The following THSD4 variants were observed in gnomAD, a reference collection of about 807,000 sequenced individuals.
The protein encoded by THSD4 is thrombospondin type 1 domain containing 4.
In THSD4, 69 loss-of-function variants were observed where a neutral mutation model predicts 119.0. That is an observed-to-expected ratio of 0.58 (90% CI 0.48 to 0.71). The LOEUF is 0.71. THSD4 is among the 30% of genes least tolerant of loss of function. THSD4 has a pLI of 0.00. For missense variants in THSD4, 1,393 were observed against 1,391.1 expected (o/e 1.00, Z -0.02); for synonymous variants, 524 against 540.4 (o/e 0.97, Z 0.42).
chr15:71,332,891 C>CCTTTTTTTTTTTTTTTTTTTTTTTT (rs1184457820), intron 6 of THSD4, among the ~76,000 whole-genome samples: 1 of 38,036 alleles, frequency 2.6e-5, no homozygotes, highest in Non-Finnish European at 5.7e-5. Flanking sequence ...GATTTTTTTA[C>CCTTTTTTTTTTTTTTTTTTTTTTTT]ATTTTTTTTT....
intron 7 of THSD4, among the ~76,000 whole-genome samples, chr15:71,630,916 T>A (rs776878822): frequency 5.3e-5 from 8 of 152,174 alleles, no homozygotes; most frequent in Non-Finnish European, 8.8e-5. Flanking sequence ...TTCTTTGCGG[T>A]GGGGGCTGTC....
intron 7 of THSD4, among the ~76,000 whole-genome samples, chr15:71,434,479 T>G (rs2046984524): frequency 7.0e-6 from 1 of 142,694 alleles, no homozygotes; most frequent in Non-Finnish European, 1.5e-5. Context: ...TGAAGGGGTT[T>G]AAGGATTGAT....
At position 71,299,696 on chromosome 15, in the gene THSD4, C is replaced by G. The variant is rs144511772; in HGVS notation, c.1015+42981C>G. 2.6e-5 allele frequency among the ~76,000 whole-genome samples: 4 copies of G among 152,092 alleles called. No homozygotes were observed. The East Asian group carries it at 7.7e-4, about 29-fold the overall frequency. On this transcript the variant is annotated intron_variant, in intron 6 of 17. Coordinates refer to ENST00000261862, the MANE Select transcript of THSD4 (RefSeq NM_024817.3). ...ACTAAAAGAGTAGACTTCAATTGTC[C>G]TTATCACTAAGAAATGATAAGTATC... is the stretch of plus-strand genomic sequence containing the variant.
intron 6 of THSD4, among the ~76,000 whole-genome samples, chr15:71,337,070 A>C (rs2045497995): frequency 6.6e-6 from 1 of 152,162 alleles, no homozygotes; most frequent in African/African-American, 2.4e-5. Flanking sequence ...AGTGGGAGGC[A>C]AGGAGGAAAG....
In THSD4 at chr15:71,537,192, C is replaced by A. The variant is rs181694195; in HGVS notation, c.1153-123338C>A. On this transcript the variant is annotated intron_variant, in intron 7 of 17. Transcript: ENST00000261862. ...TCTTTCCACCATCCCAGTTTAAGCT[C>A]TTAGCCCTTTTCATCTGGACTACAG... is the stretch of plus-strand genomic sequence containing the variant. 5.3e-4 allele frequency among the ~76,000 whole-genome samples: 80 copies of A among 152,270 alleles called. 1 individual carries two copies. The highest frequency in any genetic ancestry group is 5.2e-3 in the Admixed American group (80 of 15,296).
intron 7 of THSD4, among the ~76,000 whole-genome samples, chr15:71,511,374 G>A (rs2048281192): frequency 6.6e-6 from 1 of 152,134 alleles, no homozygotes; most frequent in Admixed American, 6.5e-5. Flanking sequence ...GCTGAAGTGG[G>A]GAATAAAGGT....
At chr15:71,249,114 T>C (rs1399480036) in intron 5 of THSD4, among the ~76,000 whole-genome samples, 12 of 151,898 alleles carry the variant, frequency 7.9e-5, no homozygotes, top group East Asian at 1.9e-4. Flanking sequence ...CATATATATA[T>C]ACACACACAC....
At chr15:71,476,520 G>A (rs1406394484) in intron 7 of THSD4, among the ~76,000 whole-genome samples, 1 of 152,188 alleles carries the variant, frequency 6.6e-6, no homozygotes, top group Non-Finnish European at 1.5e-5. Flanking sequence ...GGGATTACAG[G>A]TGTGAGCCAC....
At chr15:71,326,884 C>T (rs1468200147) in intron 6 of THSD4, among the ~76,000 whole-genome samples, 3 of 147,112 alleles carry the variant, frequency 2.0e-5, no homozygotes, top group Non-Finnish European at 3.0e-5. Flanking sequence ...AAAAAGCAAA[C>T]AGGCCGAGCA....
intron 7 of THSD4, among the ~76,000 whole-genome samples, chr15:71,467,315 G>T (rs1464837699): frequency 1.3e-5 from 2 of 152,214 alleles, no homozygotes; most frequent in Non-Finnish European, 2.9e-5. Flanking sequence ...GACAAGAGAA[G>T]TGCAAATTTA....
rs565499448 is a variant in THSD4, at chr15:71,447,069, G to A, written c.1152+35246G>A. Among the ~76,000 whole-genome samples the A allele has an allele frequency of 4.7e-5, 7 of 149,252 alleles. No individual in the cohort carries two copies. The South Asian group carries it at 1.5e-3, about 32-fold the overall frequency. On this transcript the variant is annotated intron_variant, in intron 7 of 17. Transcript: ENST00000261862. ...GGAGGAAGGGGGAAGTGCCCAGTGG[G>A]TTTGCAAACAACAGTGTCCTCTGTT... is the stretch of plus-strand genomic sequence containing the variant.
At chr15:71,341,345 G>C in intron 6 of THSD4, 1 of 1,608,682 alleles carries the variant, frequency 6.2e-7, no homozygotes, top group Non-Finnish European at 8.5e-7. Context: ...GTGCATCTTA[G>C]GTGCTTTGTT....
intron 4 of THSD4, among the ~76,000 whole-genome samples, chr15:71,234,079 C>G (rs2044082534): frequency 6.6e-6 from 1 of 152,174 alleles, no homozygotes; most frequent in South Asian, 2.1e-4. Flanking sequence ...CACCAAGGGC[C>G]ATATACTCTG....
intron 6 of THSD4, among the ~76,000 whole-genome samples, chr15:71,382,835 T>A (rs1040469338): frequency 1.3e-5 from 2 of 152,362 alleles, no homozygotes; most frequent in East Asian, 3.9e-4. Flanking sequence ...TTCTCTATAC[T>A]GTATTAAAAA....
chr15:71,187,678 G>T (rs574719215), intron 3 of THSD4: 1 of 152,514 alleles, frequency 6.6e-6, no homozygotes, highest in African/African-American at 2.4e-5. Flanking sequence ...CTCATGCAAG[G>T]CTTGTTTCTA....
Position 71,209,381 on chromosome 15 carries a change from A to T in THSD4, c.100-5654A>T, listed in dbSNP as rs548057654. Among the ~76,000 whole-genome samples, 20 of 152,328 alleles carry T rather than the reference A, an allele frequency of 1.3e-4. 1 individual carries two copies. In the South Asian group the frequency reaches 3.7e-3, roughly 28 times the overall value. On this transcript the variant is annotated intron_variant, in intron 3 of 17. Coordinates refer to ENST00000261862, the MANE Select transcript of THSD4 (RefSeq NM_024817.3). ...TGAACCTCAGTGACTACATCTGCAA[A>T]ATGGAAATATACATCCTTGAAATGA... is the stretch of plus-strand genomic sequence containing the variant.
chr15:71,727,205 A>G (rs1057443709), intron 8 of THSD4, among the ~76,000 whole-genome samples: 2 of 151,960 alleles, frequency 1.3e-5, no homozygotes, highest in East Asian at 1.9e-4. Flanking sequence ...GGATTATAAC[A>G]TCTGCTGTGC....
chr15:71,453,808 C>T (rs559166684), intron 7 of THSD4, among the ~76,000 whole-genome samples: 2 of 152,164 alleles, frequency 1.3e-5, no homozygotes, highest in South Asian at 4.1e-4. Flanking sequence ...TGTGTTGTGA[C>T]CATCATAACC....
intron 8 of THSD4, among the ~76,000 whole-genome samples, chr15:71,683,939 A>C (rs929452113): frequency 6.6e-6 from 1 of 152,156 alleles, no homozygotes. Flanking sequence ...ACACCACTGC[A>C]CTCTAGCCTG....
Sources: allele counts gnomAD v4.1 joint callset (sites outside exome capture counted in the v4.1 genomes callset), GRCh38; gene constraint gnomAD v4.1.1; transcripts MANE v1.5; gene names NCBI Gene and HGNC (gene_info 2026-07-23, HGNC 2026-07-21).